ATG13: variants seen among roughly 807,000 people sequenced by gnomAD.
ATG13 encodes the protein autophagy related 13.
A neutral mutation model predicts 65.5 loss-of-function variants in ATG13; 23 were observed. The ratio of observed to expected loss-of-function variants is 0.35; its 90% CI spans 0.25 to 0.50. The LOEUF (loss-of-function observed/expected upper bound fraction) is 0.50, where lower values mean the gene tolerates loss of function less well. Among genes scored for constraint, ATG13 ranks in the 20% least tolerant of loss-of-function variants. ATG13 has a pLI of 0.98. For missense variants in ATG13, 566 were observed against 677.0 expected (o/e 0.84, Z 1.82); for synonymous variants, 252 against 245.2 (o/e 1.03, Z -0.26).
rs779732863 is a variant in ATG13 at position 46,656,277 on chromosome 11, T to C, written c.499+4T>C. The C allele has an allele frequency of 1.9e-6, 3 of 1,611,082 alleles. No homozygotes were observed. Among genetic ancestry groups the C allele is most frequent in the Non-Finnish European group, 2.5e-6 (3 of 1,177,294 alleles). Reference sequence around the variant, plus strand: ...CAGCTGAGTGGCTTAGGAGAAGGTATGTATCAACGGTTGAAAAACATCGTA... The same window carrying C: ...CAGCTGAGTGGCTTAGGAGAAGGTACGTATCAACGGTTGAAAAACATCGTA... On this transcript the variant is annotated splice_donor_region_variant and intron_variant, in intron 8 of 18. Transcript: ENST00000683050.
In ATG13 at chr11:46,657,731, G is replaced by C. The variant is rs889552473; in HGVS notation, c.695+109G>C. The C allele has an allele frequency of 1.2e-5, 12 of 970,688 alleles. No homozygotes were observed. The African/African-American group carries it at 1.5e-4, about 12-fold the overall frequency. The allele number at this position is 970,688 out of a possible 1,614,324, so 60.1% of individuals were successfully genotyped here. ...AGCACTCACTCTCCAGTGGGCAGGGGGCCACTGATGGAGACCCCACGTGGA... is the reference window on the plus strand; with the variant it reads ...AGCACTCACTCTCCAGTGGGCAGGGCGCCACTGATGGAGACCCCACGTGGA... On this transcript the variant is annotated intron_variant, in intron 10 of 18. Coordinates refer to ENST00000683050, the MANE Select transcript of ATG13 (RefSeq NM_001346311.2).
At chr11:46,646,134 C>A (rs1262609864) in intron 5 of ATG13, 145 bp downstream of exon 5, 1 of 1,207,168 alleles carries the variant, frequency 8.3e-7, no homozygotes, top group Non-Finnish European at 1.1e-6. Context: ...TTTTTTTGTT[C>A]TTTTTTGTTT....
Position 46,656,056 on chromosome 11 carries a change from C to T in ATG13, c.459-177C>T, listed in dbSNP as rs542459896. Reference sequence around the variant, plus strand: ...TATTTTTTAACCAACCCACTCTGTACGTCTCCATGCCTGTAGCTTAATTGA... The same window carrying T: ...TATTTTTTAACCAACCCACTCTGTATGTCTCCATGCCTGTAGCTTAATTGA... On this transcript the variant is annotated intron_variant, in intron 7 of 18. Coordinates refer to ENST00000683050, the MANE Select transcript of ATG13 (RefSeq NM_001346311.2). Among the ~76,000 whole-genome samples the T allele has an allele frequency of 3.3e-5, 5 of 152,282 alleles. No individual in the cohort carries two copies. The East Asian group carries it at 5.8e-4, about 18-fold the overall frequency.
chr11:46,664,974 G>A lies in ATG13; in HGVS notation c.999+15G>A. ...ACCCTCACCAGGTATCTTTAAAGAT[G>A]GGGAGGACTATGGGTTTCCAGTGCT... On this transcript the variant is annotated intron_variant, in intron 13 of 18. Coordinates refer to ENST00000683050, the MANE Select transcript of ATG13 (RefSeq NM_001346311.2). 6.2e-7 allele frequency: 1 copy of A among 1,608,332 alleles called. No individual in the cohort carries two copies. Among genetic ancestry groups the A allele is most frequent in the Non-Finnish European group, 8.5e-7 (1 of 1,174,922 alleles).
At chr11:46,666,836 G>C (rs2062474943) in intron 14 of ATG13, among the ~76,000 whole-genome samples, 1 of 151,956 alleles carries the variant, frequency 6.6e-6, no homozygotes, top group Admixed American at 6.6e-5. Flanking sequence ...CATTCTAAAT[G>C]AACTTTCTCC....
At chr11:46,636,234 G>A (rs1048508730) in intron 2 of ATG13, among the ~76,000 whole-genome samples, 4 of 151,904 alleles carry the variant, frequency 2.6e-5, no homozygotes, top group Non-Finnish European at 4.4e-5. Flanking sequence ...TTGACTTCTT[G>A]TCTCTCCCTA....
rs759975268 is a variant in ATG13, at chr11:46,650,207, G to T, written c.348G>T (p.Thr116=). 2 of 1,613,916 alleles carry T rather than the reference G, an allele frequency of 1.2e-6. No individual in the cohort carries two copies. The highest frequency in any genetic ancestry group is 3.3e-4 in the Middle Eastern group (2 of 6,060). The stretch of plus-strand genomic sequence containing the variant: ...ATAAAGAAATCAAAGTTTCCTACAC[G>T]GTGTACAACAGACTGTCATTGCTGC... ...KCDKEIKVSY[T]VYNRLSLLLK... is the part of the protein sequence containing the mutation. Residue 116 remains threonine, a synonymous_variant, in exon 7 of 19, where the codon ACG becomes ACT. Coordinates refer to ENST00000683050, the MANE Select transcript of ATG13 (RefSeq NM_001346311.2).
At chr11:46,652,002 A>G (rs766567465) in intron 7 of ATG13, among the ~76,000 whole-genome samples, 38 of 152,138 alleles carry the variant, frequency 2.5e-4, no homozygotes, top group Non-Finnish European at 1.0e-4. Flanking sequence ...TAATCCCAGC[A>G]CTTTGAGAGG....
chr11:46,647,011 C>T (rs1425921895), intron 5 of ATG13, among the ~76,000 whole-genome samples: 2 of 152,052 alleles, frequency 1.3e-5, no homozygotes, highest in Non-Finnish European at 2.9e-5. Flanking sequence ...CTGCCTGCCT[C>T]AGTCTCTCAG....
rs2060739900 is a variant in ATG13 at position 46,659,586 on chromosome 11, T to C, written c.789+101T>C. On this transcript the variant is annotated intron_variant, in intron 11 of 18. Coordinates refer to ENST00000683050, the MANE Select transcript of ATG13 (RefSeq NM_001346311.2). ...TAGCTACAATCCCTTTTAATAGTGG[T>C]GGTGATTGTTTCAAAGGGGTTACTT... is the stretch of plus-strand genomic sequence containing the variant. 3 of 935,228 alleles carry C rather than the reference T, an allele frequency of 3.2e-6. No homozygotes were observed. The South Asian group carries it at 4.5e-5, about 14-fold the overall frequency. 57.9% of individuals were successfully genotyped at this position (935,228 alleles called of 1,614,324 possible). A position where few individuals can be genotyped will look rare whatever the true frequency, so the allele number is the denominator to read the frequency against.
At chr11:46,641,186 C>G (rs1283371977) in intron 2 of ATG13, among the ~76,000 whole-genome samples, 1 of 152,142 alleles carries the variant, frequency 6.6e-6, no homozygotes, top group Non-Finnish European at 1.5e-5. Context: ...AGTTCTCTGC[C>G]TCAGCCTCCT....
chr11:46,633,769 C>T (rs1191704857), intron 2 of ATG13, among the ~76,000 whole-genome samples: 1 of 152,118 alleles, frequency 6.6e-6, no homozygotes, highest in East Asian at 1.9e-4. Flanking sequence ...TATGATTGCG[C>T]CACTACACTC....
intron 7 of ATG13, among the ~76,000 whole-genome samples, chr11:46,651,247 G>GA (rs1565535396): frequency 6.6e-6 from 1 of 151,944 alleles, no homozygotes; most frequent in African/African-American, 2.4e-5. Context: ...CCAGAATCAG[G>GA]AAAAAAAGGT....
chr11:46,631,429 T>C (rs117446208), intron 2 of ATG13, among the ~76,000 whole-genome samples: 4 of 152,362 alleles, frequency 2.6e-5, no homozygotes, highest in Non-Finnish European at 5.9e-5. Context: ...CCTAGTTAAA[T>C]GTTGTTTTCC....
chr11:46,668,150 A>G (rs902381378), intron 15 of ATG13, among the ~76,000 whole-genome samples: 5 of 152,232 alleles, frequency 3.3e-5, no homozygotes, highest in African/African-American at 1.2e-4. Flanking sequence ...TTAGTACAAA[A>G]ACACTACACT....
chr11:46,646,062 T>A, intron 5 of ATG13, 73 bp downstream of exon 5: 5 of 1,569,772 alleles, frequency 3.2e-6, no homozygotes, highest in Non-Finnish European at 3.5e-6. Flanking sequence ...AGTTCATTTC[T>A]CAGTCTTATT....
chr11:46,669,994 C>T (rs1230136462), intron 18 of ATG13, among the ~76,000 whole-genome samples: 1 of 152,056 alleles, frequency 6.6e-6, no homozygotes, highest in Non-Finnish European at 1.5e-5. Context: ...TTATAATGAC[C>T]CCATCTCTGC....
At position 46,668,820 on chromosome 11, in the gene ATG13, T is replaced by C. The variant is rs1183689792; in HGVS notation, c.1356T>C (p.Thr452=). Residue 452 remains threonine, a synonymous_variant, in exon 17 of 19, where the codon ACT becomes ACC. Transcript: ENST00000683050. Reference sequence around the variant, plus strand: ...TGAATCCTCCAGATTCCCCAGAGACTGAATCTCCTCTCCAGGGCAGCCTGC... The same window carrying C: ...TGAATCCTCCAGATTCCCCAGAGACCGAATCTCCTCTCCAGGGCAGCCTGC... The part of the protein sequence containing the change: ...PMVNPPDSPE[T]ESPLQGSLHS... 8 of 1,613,808 alleles carry C rather than the reference T, an allele frequency of 5.0e-6. No individual in the cohort carries two copies. The highest frequency in any genetic ancestry group is 2.7e-5 in the African/African-American group (2 of 75,048).
chr11:46,672,218 C>G, intron 18 of ATG13, 37 bp from the exon 19 acceptor site: 1 of 1,613,918 alleles, frequency 6.2e-7, no homozygotes, highest in Non-Finnish European at 8.5e-7. Flanking sequence ...CAAGGCCCTG[C>G]CTGAATAAAC....
Sources: allele counts gnomAD v4.1 joint callset (sites outside exome capture counted in the v4.1 genomes callset), GRCh38; gene constraint gnomAD v4.1.1; transcripts MANE v1.5; gene names NCBI Gene and HGNC (gene_info 2026-07-23, HGNC 2026-07-21).